TRIO: variants seen among roughly 807,000 people sequenced by gnomAD.
TRIO encodes the protein trio Rho guanine nucleotide exchange factor, also known as triple functional domain protein.
A neutral mutation model predicts 351.9 loss-of-function variants in TRIO; 58 were observed. The observed-to-expected ratio is 0.16, with a 90% CI of 0.13 to 0.21. The LOEUF (loss-of-function observed/expected upper bound fraction) is 0.21. Among genes scored for constraint, TRIO ranks in the 10% least tolerant of loss-of-function variants. The pLI is 1.00. For synonymous variants in TRIO, 1,758 were observed against 1,595.7 expected, an observed-to-expected ratio of 1.10 and a Z score of -2.42; for missense variants, 3,201 against 4,027.8, an observed-to-expected ratio of 0.79 and a Z score of 5.56.
At chr5:14,458,247 A>G (rs553098787) in intron 34 of TRIO, among the ~76,000 whole-genome samples, 1 of 152,242 alleles carries the variant, frequency 6.6e-6, no homozygotes, top group South Asian at 2.1e-4. Flanking sequence ...CTGTTTCTTT[A>G]GACTGTTGAT....
chr5:14,463,025 C>A (rs1326201250), intron 36 of TRIO, 100 bp downstream of exon 36: 1 of 1,396,326 alleles, frequency 7.2e-7, no homozygotes, highest in African/African-American at 1.5e-5. Context: ...AGACAGGAGG[C>A]CCCAAGATGT....
At chr5:14,447,386 C>T (rs975316251) in intron 34 of TRIO, among the ~76,000 whole-genome samples, 9 of 152,108 alleles carry the variant, frequency 5.9e-5, no homozygotes, top group African/African-American at 2.2e-4. Context: ...AGTAAATTTT[C>T]TTGAATGTAG....
rs773870441 is a variant in TRIO, at chr5:14,293,029, A to G, written c.1071A>G (p.Thr357=). ...TCCGGTAGATGTTTGACTGGATCAC[A>G]CACAACAAAGGCCTGTTTCTAAACA... ...QDAEKMFDWI[T]HNKGLFLNSY... is the part of the protein sequence containing the mutation. Residue 357 remains threonine, a synonymous_variant, in exon 6 of 57, where the codon ACA becomes ACG. Transcript: ENST00000344204. The G allele has an allele frequency of 1.2e-6, 2 of 1,614,142 alleles. No homozygotes were observed. The highest frequency in any genetic ancestry group is 3.3e-5 in the Admixed American group (2 of 60,026).
chr5:14,363,638 G>T, intron 13 of TRIO, 94 bp from the exon 14 acceptor site: 2 of 1,208,544 alleles, frequency 1.7e-6, no homozygotes, highest in African/African-American at 3.0e-5. Context: ...CTGTCCTTTG[G>T]CAGAGAGACA....
chr5:14,412,134 A>G (rs1270028470), intron 33 of TRIO, among the ~76,000 whole-genome samples: 1 of 151,910 alleles, frequency 6.6e-6, no homozygotes, highest in Non-Finnish European at 1.5e-5. Flanking sequence ...ATTATAGGCA[A>G]GTACCACCAC....
intron 3 of TRIO, among the ~76,000 whole-genome samples, chr5:14,280,749 A>AG (rs1735921788): frequency 6.6e-6 from 1 of 152,336 alleles, no homozygotes; most frequent in African/African-American, 2.4e-5. Flanking sequence ...CGTGACACAG[A>AG]GGCCTGGGTG....
At chr5:14,182,927 C>CG (rs1789881942) in intron 1 of TRIO, among the ~76,000 whole-genome samples, 1 of 150,300 alleles carries the variant, frequency 6.7e-6, no homozygotes. Context: ...CAGGCATTTG[C>CG]GTGCCCCTGC....
chr5:14,233,109 G>A (rs1422840815), intron 1 of TRIO, among the ~76,000 whole-genome samples: 1 of 151,974 alleles, frequency 6.6e-6, no homozygotes, highest in East Asian at 1.9e-4. Context: ...TGGAAGTCTG[G>A]GACTCAGCTA....
At chr5:14,168,509 T>C (rs1299964747) in intron 1 of TRIO, among the ~76,000 whole-genome samples, 1 of 152,202 alleles carries the variant, frequency 6.6e-6, no homozygotes, top group Non-Finnish European at 1.5e-5. Flanking sequence ...CCTTGTACTG[T>C]AGTTGATTTT....
chr5:14,363,014 T>TC (rs1744287295), intron 13 of TRIO, among the ~76,000 whole-genome samples: 2 of 151,368 alleles, frequency 1.3e-5, no homozygotes, highest in South Asian at 4.2e-4. Flanking sequence ...TTTTTTTTTT[T>TC]TTTTGAGACA....
At chr5:14,444,881 T>G (rs2089902942) in intron 34 of TRIO, among the ~76,000 whole-genome samples, 2 of 152,104 alleles carry the variant, frequency 1.3e-5, no homozygotes, top group Admixed American at 1.3e-4. Flanking sequence ...GACTGAAACC[T>G]CCCCCAAAAA....
chr5:14,171,094 T>C (rs1050880990), intron 1 of TRIO, among the ~76,000 whole-genome samples: 3 of 152,116 alleles, frequency 2.0e-5, no homozygotes, highest in African/African-American at 7.2e-5. Flanking sequence ...AGTTGGAAAT[T>C]GTTACAATTC....
chr5:14,224,804 A>G (rs562723524), intron 1 of TRIO, among the ~76,000 whole-genome samples: 1 of 152,292 alleles, frequency 6.6e-6, no homozygotes, highest in African/African-American at 2.4e-5. Context: ...ACTGAGAAAC[A>G]GGACATACCA....
At chr5:14,304,312 T>TTGA in intron 7 of TRIO, 149 bp from the exon 8 acceptor site, 1 of 762,300 alleles carries the variant, frequency 1.3e-6, no homozygotes, top group Non-Finnish European at 2.1e-6. Context: ...CTCATGTGAG[T>TTGA]TGAGGATGCC....
chr5:14,194,087 C>T (rs1295185981), intron 1 of TRIO, among the ~76,000 whole-genome samples: 4 of 152,178 alleles, frequency 2.6e-5, no homozygotes, highest in Non-Finnish European at 5.9e-5. Flanking sequence ...ATAGACATAG[C>T]TTCTGTCCAC....
intron 3 of TRIO, among the ~76,000 whole-genome samples, chr5:14,285,926 G>A (rs531813640): frequency 6.6e-6 from 1 of 152,234 alleles, no homozygotes; most frequent in South Asian, 2.1e-4. Flanking sequence ...AGGGCCATTC[G>A]GAAGCTTCTA....
At position 14,488,258 on chromosome 5, in the gene TRIO, G is replaced by A. The variant is rs1282852477; in HGVS notation, c.7630G>A (p.Gly2544Arg). The A allele has an allele frequency of 3.8e-6, 6 of 1,565,562 alleles. No homozygotes were observed. Among genetic ancestry groups the A allele is most frequent in the Non-Finnish European group, 5.2e-6 (6 of 1,162,242 alleles). The part of the protein sequence containing the change: ...EQSVQSTQSN[G>R]SESSSSSNIS... ...GTCCGTGCAGTCCACCCAGAGCAAC[G>A]GGGTAAGCGCGTCGGGGGGCCCGCG... The change falls in exon 48 of 57, where the codon GGG becomes AGG. Residue 2544 changes from glycine (G) to arginine (R), a missense_variant and splice_region_variant. Coordinates refer to ENST00000344204, the MANE Select transcript of TRIO (RefSeq NM_007118.4).
rs774970827 is a variant in TRIO, at chr5:14,507,921, C to T, written c.8793C>T (p.Thr2931=). ...TGGATGAGAGTTTAGCCAAGCCAAC[C>T]ATCAAACTGGCTGACTTTGGAGATG... ...ILVDESLAKP[T]IKLADFGDAV... is the part of the protein sequence containing the mutation. The change falls in exon 57 of 57, where the codon ACC becomes ACT. Residue 2931 remains threonine (T), a synonymous_variant. Transcript: ENST00000344204. The T allele has an allele frequency of 8.4e-5, 135 of 1,614,138 alleles. 3 individuals carry two copies. The South Asian group carries it at 1.2e-3, about 15-fold the overall frequency.
At chr5:14,453,142 T>A (rs1460679784) in intron 34 of TRIO, among the ~76,000 whole-genome samples, 1 of 152,084 alleles carries the variant, frequency 6.6e-6, no homozygotes, top group African/African-American at 2.4e-5. Context: ...AAGGAAGCCA[T>A]CTATGTAAGG....
Sources: gnomAD v4.1 joint callset for allele counts (sites outside exome capture counted in the v4.1 genomes callset) on GRCh38, gnomAD v4.1.1 for gene constraint, MANE v1.5 for transcripts, NCBI Gene and HGNC (gene_info 2026-07-23, HGNC 2026-07-21) for gene names.